The following ADAM7 variants were observed in gnomAD, a reference collection of about 807,000 sequenced individuals.
The protein encoded by ADAM7 is disintegrin and metalloproteinase domain-containing protein 7.
A neutral mutation model predicts 102.9 loss-of-function variants in ADAM7; 97 were observed. That is an observed-to-expected ratio of 0.94 (90% CI 0.80 to 1.12). ADAM7 has a LOEUF of 1.12. ADAM7 is among the 50% of genes most tolerant of loss of function. ADAM7 has a pLI of 0.00. For synonymous variants in ADAM7, 334 were observed against 304.4 expected (o/e 1.10, Z -1.01); for missense variants, 991 against 908.7 (o/e 1.09, Z -1.16).
rs1820757155 is a variant in ADAM7, at chr8:24,501,481, C to T, written c.2113C>T (p.Pro705Ser). 8 of 1,604,394 alleles carry T rather than the reference C, an allele frequency of 5.0e-6. No individual in the cohort carries two copies. Among genetic ancestry groups the T allele is most frequent in the South Asian group, 1.1e-5 (1 of 88,444 alleles). The change falls in exon 20 of 22, where the codon CCT becomes TCT. Residue 705 changes from proline to serine, a missense_variant. Pro to Ser is a moderately conservative substitution (Grantham distance 74). Transcript: ENST00000175238. Reference protein sequence around the residue: ...CIKLKQVQSPPTETLGVENKG... With the variant: ...CIKLKQVQSPSTETLGVENKG... Reference sequence around the variant, plus strand: ...GTTCAATTTCCTTCTTGACAGCCCACCTACAGAAACCCTGGGAGTGGAGAA... The same window carrying T: ...GTTCAATTTCCTTCTTGACAGCCCATCTACAGAAACCCTGGGAGTGGAGAA...
intron 10 of ADAM7, 117 bp from the exon 11 acceptor site, chr8:24,487,070 A>G: frequency 9.1e-7 from 1 of 1,094,584 alleles, no homozygotes; most frequent in East Asian, 2.8e-5. Flanking sequence ...TGCCTTTTTA[A>G]ATAGATACCA....
rs1434742503 is a variant in ADAM7, at chr8:24,492,036, GCTA to G, written c.1493_1495del (p.Tyr498del). On this transcript the variant is annotated inframe_deletion, in exon 14 of 22. Transcript: ENST00000175238. The stretch of plus-strand genomic sequence containing the variant: ...GGATTTCCTTGCAAGAACTCAGAAG[GCTA>G]CTGTTTCATGGGGAAATGTCCAACT... 6.2e-7 allele frequency: 1 copy of G among 1,613,968 alleles called. No individual in the cohort carries two copies. The highest frequency in any genetic ancestry group is 8.5e-7 in the Non-Finnish European group (1 of 1,179,878).
intron 12 of ADAM7, 136 bp from the exon 13 acceptor site, chr8:24,490,663 A>T (rs1820312071): frequency 1.3e-6 from 1 of 787,554 alleles, no homozygotes; most frequent in Non-Finnish European, 2.1e-6. Flanking sequence ...AGTAATCTTT[A>T]TGTATGTACC....
rs1819517616 is a variant in ADAM7, at chr8:24,468,914, T to TAA, written c.633+94_633+95insAA. On this transcript the variant is annotated intron_variant, in intron 7 of 21. Transcript: ENST00000175238. The stretch of plus-strand genomic sequence containing the variant: ...AGAGAGAAAGGTATTCTAATCAGAG[T>TAA]TCTATTCTAGGCTCAAAGTCCTATT... 3.3e-6 allele frequency: 4 copies of TAA among 1,208,220 alleles called. No homozygotes were observed. In the African/African-American group the frequency reaches 4.6e-5, roughly 14 times the overall value. The allele number at this position is 1,208,220 out of a possible 1,614,324, so 74.8% of individuals were successfully genotyped here. A position where few individuals can be genotyped will look rare whatever the true frequency, so the allele number is the denominator to read the frequency against.
chr8:24,484,477 T>C (rs1820065226), intron 9 of ADAM7, among the ~76,000 whole-genome samples: 1 of 152,192 alleles, frequency 6.6e-6, no homozygotes, highest in Non-Finnish European at 1.5e-5. Context: ...GGAACAGTTC[T>C]CATTTTATCT....
At position 24,507,537 on chromosome 8, in the gene ADAM7, T is replaced by A; in HGVS notation, c.2264+2T>A. ...AGATCCCAATCAAAGTGCCAAGTGGTAGGTTACCCTGACAGATAGTACCTC... is the reference window on the plus strand; with the variant it reads ...AGATCCCAATCAAAGTGCCAAGTGGAAGGTTACCCTGACAGATAGTACCTC... On this transcript the variant is annotated splice_donor_variant, in intron 21 of 21. Coordinates refer to ENST00000175238, the MANE Select transcript of ADAM7 (RefSeq NM_003817.4). LOFTEE classifies it high-confidence loss of function. The A allele has an allele frequency of 6.2e-7, 1 of 1,609,374 alleles. No homozygotes were observed. Among genetic ancestry groups the A allele is most frequent in the Non-Finnish European group, 8.5e-7 (1 of 1,175,726 alleles).
chr8:24,449,510 T>G (rs1199018626), intron 3 of ADAM7, among the ~76,000 whole-genome samples: 2 of 152,224 alleles, frequency 1.3e-5, no homozygotes, highest in Non-Finnish European at 2.9e-5. Flanking sequence ...GTTTTTTTCT[T>G]GTAAATTTGT....
At chr8:24,445,518 G>C (rs1293393556) in intron 2 of ADAM7, among the ~76,000 whole-genome samples, 1 of 152,126 alleles carries the variant, frequency 6.6e-6, no homozygotes, top group African/African-American at 2.4e-5. Flanking sequence ...CTATCACTGA[G>C]GCTTGTAGAT....
At chr8:24,466,739 A>T (rs1410763088) in intron 5 of ADAM7, 60 bp from the exon 6 acceptor site, 1 of 1,500,234 alleles carries the variant, frequency 6.7e-7, no homozygotes, top group Non-Finnish European at 9.1e-7. Flanking sequence ...GGCAAAGTCA[A>T]TACAATGAAA....
In ADAM7 at chr8:24,487,189, T is replaced by C; in HGVS notation, c.963T>C (p.Asp321=). 6.2e-7 allele frequency: 1 copy of C among 1,613,388 alleles called. No individual in the cohort carries two copies. Among genetic ancestry groups the C allele is most frequent in the Non-Finnish European group, 8.5e-7 (1 of 1,179,596 alleles). The change falls in exon 11 of 22, where the codon GAT becomes GAC. Residue 321 remains aspartate (D), a splice_region_variant and synonymous_variant. Transcript: ENST00000175238. ...TAATGCAATTGTTTTATCATCAGGA[T>C]CTTTTACCTGACACAAACATAATTG... is the stretch of plus-strand genomic sequence containing the variant. ...LPYYSTSIIK[D]LLPDTNIIAN...
At position 24,506,250 on chromosome 8, in the gene ADAM7, G is replaced by A. The variant is rs182196076; in HGVS notation, c.2209-1230G>A. On this transcript the variant is annotated intron_variant, in intron 20 of 21. Coordinates refer to ENST00000175238, the MANE Select transcript of ADAM7 (RefSeq NM_003817.4). ...AATCATTTGTTGGTTCCTTGAAAAG[G>A]ACCAATAATATAACATCGATAGCTC... 2.8e-3 allele frequency: 2,870 copies of A among 1,029,564 alleles called. 12 individuals carry two copies. Among genetic ancestry groups the A allele is most frequent in the Non-Finnish European group, 3.5e-3 (2,439 of 692,822 alleles). 63.8% of individuals were successfully genotyped at this position (1,029,564 alleles called of 1,614,324 possible).
At chr8:24,492,352 A>G (rs1170303839) in intron 14 of ADAM7, 143 bp from the exon 15 acceptor site, 2 of 707,918 alleles carry the variant, frequency 2.8e-6, no homozygotes, top group African/African-American at 3.6e-5. Context: ...CTGAGGCAAT[A>G]GGATAGTTTT....
intron 8 of ADAM7, 144 bp downstream of exon 8, chr8:24,476,648 A>G: frequency 1.9e-6 from 1 of 516,048 alleles, no homozygotes. Flanking sequence ...TCCACGGGAA[A>G]AAATAATAAC....
intron 6 of ADAM7, among the ~76,000 whole-genome samples, 194 bp from the exon 7 acceptor site, chr8:24,468,573 A>G (rs1585880987): frequency 6.6e-6 from 1 of 152,284 alleles, no homozygotes; most frequent in East Asian, 1.9e-4. Flanking sequence ...AATCCGATGT[A>G]TAGGACCCCA....
intron 10 of ADAM7, 152 bp from the exon 11 acceptor site, chr8:24,487,035 C>T: frequency 1.5e-6 from 1 of 681,048 alleles, no homozygotes; most frequent in Non-Finnish European, 2.2e-6. Flanking sequence ...AACTGAGGTA[C>T]AGAGGAGAGA....
In ADAM7 at chr8:24,487,279, C is replaced by G; in HGVS notation, c.1053C>G (p.Thr351=). The change falls in exon 11 of 22, where the codon ACC becomes ACG. Residue 351 remains threonine, a synonymous_variant. Transcript: ENST00000175238. ...TGCAGCATGACGAGTTCCCATGCAC[C>G]TGTCCTTCAGGAAAATGCGTGATGG... ...LGMQHDEFPC[T]CPSGKCVMDS... is the part of the protein sequence containing the mutation. 3 of 1,613,812 alleles carry G rather than the reference C, an allele frequency of 1.9e-6. No homozygotes were observed. Among genetic ancestry groups the G allele is most frequent in the Non-Finnish European group, 2.5e-6 (3 of 1,179,844 alleles).
At chr8:24,455,518 C>T (rs992472893) in intron 3 of ADAM7, among the ~76,000 whole-genome samples, 2 of 152,196 alleles carry the variant, frequency 1.3e-5, no homozygotes, top group South Asian at 4.1e-4. Context: ...AGGTGATCCT[C>T]CCACCTCAGC....
At chr8:24,492,465 G>A (rs753895565) in intron 14 of ADAM7, 30 bp from the exon 15 acceptor site, 3 of 1,476,288 alleles carry the variant, frequency 2.0e-6, no homozygotes, top group East Asian at 2.3e-5. Flanking sequence ...ATGCTTTATT[G>A]TTTTACTTTT....
At position 24,455,042 on chromosome 8, in the gene ADAM7, G is replaced by A. The variant is rs74805414; in HGVS notation, c.233+7780G>A. Among the ~76,000 whole-genome samples, 121 of 151,870 alleles carry A rather than the reference G, an allele frequency of 8.0e-4. No homozygotes were observed. In the East Asian group the frequency reaches 0.023, roughly 28 times the overall value. ...AATTTAGAATCTACTATACAACCAA[G>A]CAGTTTATTATATATTTTATATATG... is the stretch of plus-strand genomic sequence containing the variant. On this transcript the variant is annotated intron_variant, in intron 3 of 21. Coordinates refer to ENST00000175238, the MANE Select transcript of ADAM7 (RefSeq NM_003817.4).
Sources: allele counts gnomAD v4.1 joint callset (sites outside exome capture counted in the v4.1 genomes callset), GRCh38; gene constraint gnomAD v4.1.1; transcripts MANE v1.5; gene names NCBI Gene and HGNC (gene_info 2026-07-23, HGNC 2026-07-21).